ATP8B2: variants seen among roughly 807,000 people sequenced by gnomAD.
ATP8B2 encodes the protein ATPase phospholipid transporting 8B2, also known as phospholipid-transporting ATPase ID.
In ATP8B2, 70 loss-of-function variants were observed where a neutral mutation model predicts 133.4. The observed-to-expected ratio is 0.52, with a 90% confidence interval of 0.43 to 0.64. ATP8B2 has a LOEUF of 0.64. Ranked by LOEUF, ATP8B2 falls within the 30% of genes least tolerant of loss-of-function variation. The probability of loss-of-function intolerance (pLI) is 0.00; values close to 1 mark genes in which losing one functional copy is unlikely to be tolerated. For missense variants in ATP8B2, 1,101 were observed against 1,535.7 expected (o/e 0.72, Z 4.73); for synonymous variants, 517 against 589.5 (o/e 0.88, Z 1.78).
rs143385680 is a variant in ATP8B2, at chr1:154,344,721, A to G, written c.2222A>G (p.Lys741Arg). ...FTYQDKLSSS[K>R]LTSVLEAVAG... ...TATCAGGACAAGCTTTCTTCTTCCA[A>G]GCTAACTTCTGTCCTGGAGGCCGTT... Residue 741 changes from lysine (K) to arginine (R), a missense_variant, in exon 21 of 28, where the codon AAG becomes AGG. Coordinates refer to ENST00000368489, the MANE Select transcript of ATP8B2 (RefSeq NM_001370597.1). This position sits in a 1 kb window ranked among gnomAD's most constrained non-coding sequence, Gnocchi z 4.1. 6.3e-4 allele frequency: 1,014 copies of G among 1,611,836 alleles called. 2 individuals carry two copies. Among genetic ancestry groups the G allele is most frequent in the Non-Finnish European group, 8.0e-4 (944 of 1,178,074 alleles).
rs1686344046 is a variant in ATP8B2, at chr1:154,340,544, G to A, written c.1035-310G>A. 2.5e-6 allele frequency: 1 copy of A among 396,458 alleles called. No individual in the cohort carries two copies. Among genetic ancestry groups the A allele is most frequent in the Non-Finnish European group, 4.9e-6 (1 of 205,906 alleles). 24.6% of individuals were successfully genotyped at this position (396,458 alleles called of 1,614,324 possible). A position where few individuals can be genotyped will look rare whatever the true frequency, so the allele number is the denominator to read the frequency against. On this transcript the variant is annotated intron_variant, in intron 12 of 27. Transcript: ENST00000368489. This position sits in a 1 kb window ranked among gnomAD's most constrained non-coding sequence, Gnocchi z 4.0. ...TGGTTTCTGTATTATTAGTCCTGAG[G>A]TAAGAACTGGCCGAGTGCCTTGTCT... is the stretch of plus-strand genomic sequence containing the variant.
Position 154,340,685 on chromosome 1 carries a change from C to T in ATP8B2, c.1035-169C>T. ...GCGTTCCTCTGCTGGCTGTGTGCAGCCGGCTCCACCTTCAGGCTCTCCTTG... is the reference window on the plus strand; with the variant it reads ...GCGTTCCTCTGCTGGCTGTGTGCAGTCGGCTCCACCTTCAGGCTCTCCTTG... On this transcript the variant is annotated intron_variant, in intron 12 of 27. Coordinates refer to ENST00000368489, the MANE Select transcript of ATP8B2 (RefSeq NM_001370597.1). This position sits in a 1 kb window ranked among gnomAD's most constrained non-coding sequence, Gnocchi z 4.0. 1.5e-6 allele frequency: 1 copy of T among 651,690 alleles called. No individual in the cohort carries two copies. The highest frequency in any genetic ancestry group is 1.9e-5 in the South Asian group (1 of 52,672). The allele number at this position is 651,690 out of a possible 1,614,324, so 40.4% of individuals were successfully genotyped here.
chr1:154,343,898 C>A lies in ATP8B2; in HGVS notation c.1764C>A (p.Tyr588Ter). The A allele has an allele frequency of 6.2e-7, 1 of 1,608,524 alleles. No individual in the cohort carries two copies. The highest frequency in any genetic ancestry group is 1.7e-5 in the Admixed American group (1 of 59,302). Residue 588 changes from tyrosine to a stop codon, truncating the protein, a stop_gained, in exon 18 of 28, where the codon TAC becomes TAA. Coordinates refer to ENST00000368489, the MANE Select transcript of ATP8B2 (RefSeq NM_001370597.1). LOFTEE classifies it high-confidence loss of function. The surrounding 1 kb of genome is among the most constrained non-coding windows in gnomAD (Gnocchi z 5.8). ...LNTTMDHLNE[Y>*]AGEGLRTLVL... ...CCTTTCCACTCTGCCTCCAGGAGTA[C>A]GCAGGGGAAGGGCTGAGGACCCTGG...
intron 1 of ATP8B2, 153 bp from the exon 2 acceptor site, chr1:154,327,952 C>T: frequency 6.5e-7 from 1 of 1,532,036 alleles, no homozygotes; most frequent in Non-Finnish European, 9.0e-7. Flanking sequence ...TTCCCAGGAA[C>T]CCATCATGGC....
chr1:154,345,246 G>A lies in ATP8B2; in HGVS notation c.2471-76G>A, dbSNP rs2149174807. 6.2e-7 allele frequency: 1 copy of A among 1,602,746 alleles called. No homozygotes were observed. ...GGACTGCAGAAGAATGACGGGAAGG[G>A]GGTTGTAACTTGGTAGGCTCTAAAG... is the stretch of plus-strand genomic sequence containing the variant. On this transcript the variant is annotated intron_variant, in intron 22 of 27. Coordinates refer to ENST00000368489, the MANE Select transcript of ATP8B2 (RefSeq NM_001370597.1). This position sits in a 1 kb window ranked among gnomAD's most constrained non-coding sequence, Gnocchi z 5.6.
chr1:154,334,206 T>C lies in ATP8B2; in HGVS notation c.689T>C (p.Leu230Pro), dbSNP rs756047511. ...TTCCCTCTGAGCAACCAGAACATGC[T>C]GCTGCGGGGCTGTGTGCTGCGAAAC... ...NKFPLSNQNMLLRGCVLRNTE... is the reference protein window; with the variant it reads ...NKFPLSNQNMPLRGCVLRNTE... Residue 230 changes from leucine to proline, a missense_variant, in exon 10 of 28, where the codon CTG (leucine) becomes CCG (proline). Physicochemically the swap from Leu to Pro is moderately conservative, Grantham distance 98. Transcript: ENST00000368489. The surrounding 1 kb of genome is among the most constrained non-coding windows in gnomAD (Gnocchi z 4.6). 1.2e-6 allele frequency: 2 copies of C among 1,614,196 alleles called. No individual in the cohort carries two copies. The highest frequency in any genetic ancestry group is 1.7e-6 in the Non-Finnish European group (2 of 1,180,044).
rs1461781745 is a variant in ATP8B2 at position 154,345,896 on chromosome 1, T to C, written c.2778+13T>C. The C allele has an allele frequency of 6.3e-7, 1 of 1,593,842 alleles. No homozygotes were observed. Among genetic ancestry groups the C allele is most frequent in the South Asian group, 1.1e-5 (1 of 90,644 alleles). On this transcript the variant is annotated intron_variant, in intron 24 of 27. Transcript: ENST00000368489. This position sits in a 1 kb window ranked among gnomAD's most constrained non-coding sequence, Gnocchi z 5.6. ...GGTCTTTGATCAGGTATGGGGGAGTTTGATGATCAGATGGGATGCGGGGAA... is the reference window on the plus strand; with the variant it reads ...GGTCTTTGATCAGGTATGGGGGAGTCTGATGATCAGATGGGATGCGGGGAA...
chr1:154,331,734 A>G lies in ATP8B2; in HGVS notation c.438+56A>G. The G allele has an allele frequency of 6.5e-7, 1 of 1,546,154 alleles. No homozygotes were observed. Among genetic ancestry groups the G allele is most frequent in the Non-Finnish European group, 8.9e-7 (1 of 1,118,098 alleles). The stretch of plus-strand genomic sequence containing the variant: ...AGGTTCTTCCTCTTCTTTGTGAGAA[A>G]AGGATGAATCTTTCCTGATTTACTG... On this transcript the variant is annotated intron_variant, in intron 7 of 27. Coordinates refer to ENST00000368489, the MANE Select transcript of ATP8B2 (RefSeq NM_001370597.1). The surrounding 1 kb of genome is among the most constrained non-coding windows in gnomAD (Gnocchi z 4.8).
chr1:154,333,379 C>G (rs944070618), intron 9 of ATP8B2, among the ~76,000 whole-genome samples: 1 of 151,498 alleles, frequency 6.6e-6, no homozygotes. Context: ...TGGTGTGCAT[C>G]TGTAGTCCCA....
At chr1:154,338,997 C>G (rs185297054) in intron 12 of ATP8B2, among the ~76,000 whole-genome samples, 1 of 152,292 alleles carries the variant, frequency 6.6e-6, no homozygotes. Flanking sequence ...GAGGAATGGC[C>G]AGGGGAAAGG....
In ATP8B2 at chr1:154,346,403, G is replaced by C. The variant is rs750649008; in HGVS notation, c.2951G>C (p.Gly984Ala). ...GVFADATRDD[G>A]TQLADYQSFA... The stretch of plus-strand genomic sequence containing the variant: ...TTTGCTGATGCCACCCGGGATGATG[G>C]CACTCAGCTGGCTGACTACCAGTCC... The change falls in exon 25 of 28, where the codon GGC (glycine) becomes GCC (alanine). Residue 984 changes from glycine to alanine, a missense_variant. Coordinates refer to ENST00000368489, the MANE Select transcript of ATP8B2 (RefSeq NM_001370597.1). The surrounding 1 kb of genome is among the most constrained non-coding windows in gnomAD (Gnocchi z 4.5). The C allele has an allele frequency of 8.7e-6, 14 of 1,614,184 alleles. No homozygotes were observed. Among genetic ancestry groups the C allele is most frequent in the South Asian group, 7.7e-5 (7 of 91,080 alleles).
At position 154,346,406 on chromosome 1, in the gene ATP8B2, C is replaced by T. The variant is rs758604303; in HGVS notation, c.2954C>T (p.Thr985Ile). Reference protein sequence around the residue: ...VFADATRDDGTQLADYQSFAV... With the variant: ...VFADATRDDGIQLADYQSFAV... ...GCTGATGCCACCCGGGATGATGGCA[C>T]TCAGCTGGCTGACTACCAGTCCTTT... The change falls in exon 25 of 28, where the codon ACT (threonine) becomes ATT (isoleucine). Residue 985 changes from threonine to isoleucine, a missense_variant. Thr to Ile is a moderately conservative substitution (Grantham distance 89). Coordinates refer to ENST00000368489, the MANE Select transcript of ATP8B2 (RefSeq NM_001370597.1). The surrounding 1 kb of genome is among the most constrained non-coding windows in gnomAD (Gnocchi z 4.5). 6 of 1,614,200 alleles carry T rather than the reference C, an allele frequency of 3.7e-6. No homozygotes were observed. Among genetic ancestry groups the T allele is most frequent in the Non-Finnish European group, 5.1e-6 (6 of 1,180,030 alleles).
rs1280344828 is a variant in ATP8B2, at chr1:154,346,400, A to G, written c.2948A>G (p.Asp983Gly). ...GTGTTTGCTGATGCCACCCGGGATG[A>G]TGGCACTCAGCTGGCTGACTACCAG... Reference protein sequence around the residue: ...YGVFADATRDDGTQLADYQSF... With the variant: ...YGVFADATRDGGTQLADYQSF... Residue 983 changes from aspartate (D) to glycine (G), a missense_variant, in exon 25 of 28, where the codon GAT becomes GGT. Asp to Gly is a moderately conservative substitution (Grantham distance 94, BLOSUM62 -1). Coordinates refer to ENST00000368489, the MANE Select transcript of ATP8B2 (RefSeq NM_001370597.1). This position sits in a 1 kb window ranked among gnomAD's most constrained non-coding sequence, Gnocchi z 4.5. 1.2e-6 allele frequency: 2 copies of G among 1,614,104 alleles called. No homozygotes were observed. The highest frequency in any genetic ancestry group is 4.5e-5 in the East Asian group (2 of 44,880).
intron 11 of ATP8B2, among the ~76,000 whole-genome samples, chr1:154,336,649 G>A (rs1036559380): frequency 1.6e-4 from 25 of 151,634 alleles, no homozygotes; most frequent in African/African-American, 6.1e-4. Flanking sequence ...CACCACACCC[G>A]GCTAATTTTT....
In ATP8B2 at chr1:154,331,433, C is replaced by T. The variant is rs1355737382; in HGVS notation, c.304-11C>T. 6.2e-7 allele frequency: 1 copy of T among 1,613,720 alleles called. No homozygotes were observed. The highest frequency in any genetic ancestry group is 1.1e-5 in the South Asian group (1 of 91,056). On this transcript the variant is annotated splice_polypyrimidine_tract_variant and intron_variant, in intron 5 of 27. Transcript: ENST00000368489. The surrounding 1 kb of genome is among the most constrained non-coding windows in gnomAD (Gnocchi z 4.8). The stretch of plus-strand genomic sequence containing the variant: ...GGAAGGTGTCTTACCTTTCAGTTTT[C>T]TTCTTTTCAGTTCCGCCACAAGAGC...
chr1:154,330,779 G>GGA (rs1457167764), intron 3 of ATP8B2, 36 bp from the exon 4 acceptor site: 15 of 1,565,526 alleles, frequency 9.6e-6, no homozygotes, highest in Non-Finnish European at 1.3e-5. Flanking sequence ...GGTTGGGACT[G>GGA]GAGACTGCTC....
At position 154,330,466 on chromosome 1, in the gene ATP8B2, T is replaced by C. The variant is rs1265013820; in HGVS notation, c.90+12T>C. The stretch of plus-strand genomic sequence containing the variant: ...AATTCCAGTATGCGGTAAGCGACTC[T>C]AGACCACCTGTTCCCTCTCTCTGTT... On this transcript the variant is annotated intron_variant, in intron 3 of 27. Coordinates refer to ENST00000368489, the MANE Select transcript of ATP8B2 (RefSeq NM_001370597.1). 3.1e-6 allele frequency: 5 copies of C among 1,612,204 alleles called. No homozygotes were observed. The highest frequency in any genetic ancestry group is 4.2e-6 in the Non-Finnish European group (5 of 1,178,504).
At position 154,334,543 on chromosome 1, in the gene ATP8B2, G is replaced by C; in HGVS notation, c.789G>C (p.Lys263Asn). 1 of 1,614,042 alleles carries C rather than the reference G, an allele frequency of 6.2e-7. No homozygotes were observed. Among genetic ancestry groups the C allele is most frequent in the Non-Finnish European group, 8.5e-7 (1 of 1,180,006 alleles). The change falls in exon 11 of 28, where the codon AAG becomes AAC. Residue 263 changes from lysine (K) to asparagine (N), a missense_variant. Coordinates refer to ENST00000368489, the MANE Select transcript of ATP8B2 (RefSeq NM_001370597.1). This position sits in a 1 kb window ranked among gnomAD's most constrained non-coding sequence, Gnocchi z 4.6. ...TKLMQNSGRT[K>N]FKRTSIDRLM... ...TGATGCAAAACAGCGGCAGAACAAAGTTCAAAAGAACGAGTATCGATCGCC... is the reference window on the plus strand; with the variant it reads ...TGATGCAAAACAGCGGCAGAACAAACTTCAAAAGAACGAGTATCGATCGCC...
At chr1:154,332,054 CCTT>C in intron 8 of ATP8B2, 30 bp downstream of exon 8, 1 of 1,595,672 alleles carries the variant, frequency 6.3e-7, no homozygotes, top group Non-Finnish European at 8.6e-7. Flanking sequence ...TCAGCCCTCT[CCTT>C]CTGTCTCTTT....
Sources: allele counts gnomAD v4.1 joint callset (sites outside exome capture counted in the v4.1 genomes callset), GRCh38; gene constraint gnomAD v4.1.1; non-coding constraint Gnocchi (gnomAD v3.1); transcripts MANE v1.5; gene names NCBI Gene and HGNC (gene_info 2026-07-23, HGNC 2026-07-21).